The following APOBEC3D variants were observed in gnomAD, a reference collection of about 807,000 sequenced individuals.
APOBEC3D encodes the protein DNA dC->dU-editing enzyme APOBEC-3D.
APOBEC3D carries 37 observed loss-of-function variants against 45.6 expected under a neutral mutation model. That is an observed-to-expected ratio of 0.81 (90% confidence interval 0.62 to 1.07). The LOEUF is 1.07. APOBEC3D is among the 50% of genes least tolerant of loss of function. APOBEC3D has a pLI of 0.00. For synonymous variants in APOBEC3D, 175 were observed against 180.7 expected, an observed-to-expected ratio of 0.97 and a Z score of 0.25; for missense variants, 496 against 495.3, an observed-to-expected ratio of 1.00 and a Z score of -0.01.
At chr22:39,030,320 A>AT (rs569455819) in intron 5 of APOBEC3D, among the ~76,000 whole-genome samples, 72,621 of 141,374 alleles carry the variant, frequency 0.51, 17,266 homozygotes, top group East Asian at 0.72. Context: ...CAGGCAGGAG[A>AT]TTTTTTCAGA....
intron 1 of APOBEC3D, among the ~76,000 whole-genome samples, chr22:39,022,444 G>T (rs1382975429): frequency 1.3e-5 from 2 of 152,264 alleles, no homozygotes; most frequent in Admixed American, 6.5e-5. Flanking sequence ...ATGTTAACAC[G>T]CAGAGTGAAA....
intron 1 of APOBEC3D, among the ~76,000 whole-genome samples, chr22:39,022,580 A>G (rs181027742): frequency 8.5e-5 from 13 of 152,262 alleles, no homozygotes; most frequent in South Asian, 4.1e-4. Flanking sequence ...GGTGGGGAAT[A>G]TACCCCTGGA....
rs781770420 is a variant in APOBEC3D at position 39,029,474 on chromosome 22, G to C, written c.717G>C (p.Lys239Asn). Residue 239 changes from lysine to asparagine, a missense_variant, in exon 5 of 7, where the codon AAG (lysine) becomes AAC (asparagine). Transcript: ENST00000216099. ...TGTGCTTCACCATGGAAGTTACAAA[G>C]CACCACTCAGCTGTCTTCCGGAAGA... ...SWLCFTMEVT[K>N]HHSAVFRKRG... 2.2e-5 allele frequency: 35 copies of C among 1,614,014 alleles called. No individual in the cohort carries two copies.
Position 39,029,378 on chromosome 22 carries a change from A to C in APOBEC3D, c.621A>C (p.Ala207=), listed in dbSNP as rs746174647. Residue 207 remains alanine (A), a synonymous_variant, in exon 5 of 7, where the codon GCA becomes GCC. Transcript: ENST00000216099. ...GTGCCCTCAGAAACCCGATGGAGGC[A>C]ATGTACCCACACATATTCTACTTCC... ...LKEILRNPME[A]MYPHIFYFHF... is the part of the protein sequence containing the mutation. 3 of 1,614,146 alleles carry C rather than the reference A, an allele frequency of 1.9e-6. No individual in the cohort carries two copies. In the South Asian group the frequency reaches 3.3e-5, roughly 18 times the overall value.
chr22:39,023,091 C>T (rs902075882), intron 2 of APOBEC3D, 77 bp downstream of exon 2: 1 of 858,946 alleles, frequency 1.2e-6, no homozygotes, highest in African/African-American at 2.6e-5. Flanking sequence ...TTTTTCCCCA[C>T]ATTTATTTAT....
chr22:39,025,783 C>T (rs1925595244), intron 4 of APOBEC3D, 112 bp downstream of exon 4: 2 of 1,574,564 alleles, frequency 1.3e-6, no homozygotes, highest in Non-Finnish European at 1.7e-6. Context: ...CCTGCCTGCC[C>T]TCATGGTTAC....
rs139318472 is a variant in APOBEC3D, at chr22:39,026,527, C to A, written c.605+856C>A. ...AATGACCCAGGGGGCTTGGGTCAAGCTTGGGTGGGGTGTGCAGGGGTCCCC... is the reference window on the plus strand; with the variant it reads ...AATGACCCAGGGGGCTTGGGTCAAGATTGGGTGGGGTGTGCAGGGGTCCCC... On this transcript the variant is annotated intron_variant, in intron 4 of 6. Transcript: ENST00000216099. 9.1e-3 allele frequency among the ~76,000 whole-genome samples: 1,381 copies of A among 152,242 alleles called. 19 individuals carry two copies. Among genetic ancestry groups the A allele is most frequent in the African/African-American group, 0.032 (1,329 of 41,534 alleles).
At chr22:39,027,742 T>A (rs1320855415) in intron 4 of APOBEC3D, among the ~76,000 whole-genome samples, 3 of 152,056 alleles carry the variant, frequency 2.0e-5, no homozygotes, top group Non-Finnish European at 4.4e-5. Flanking sequence ...GCCCCAGCCC[T>A]GGGCTCCCTC....
At chr22:39,023,593 C>A (rs963726614) in intron 2 of APOBEC3D, among the ~76,000 whole-genome samples, 1 of 151,696 alleles carries the variant, frequency 6.6e-6, no homozygotes, top group Non-Finnish European at 1.5e-5. Context: ...ATTACAGGTG[C>A]ACGCCACCGT....
rs1481055016 is a variant in APOBEC3D, at chr22:39,032,123, C to T, written c.1043-75C>T. On this transcript the variant is annotated intron_variant, in intron 6 of 6. Transcript: ENST00000216099. Reference sequence around the variant, plus strand: ...TGCAACTGGCAGCCAGGAGACCTGGCTTGGGAGGGGAGGGCCCAGGGCCGG... The same window carrying T: ...TGCAACTGGCAGCCAGGAGACCTGGTTTGGGAGGGGAGGGCCCAGGGCCGG... The T allele has an allele frequency of 7.6e-6, 12 of 1,589,356 alleles. No individual in the cohort carries two copies. In the East Asian group the frequency reaches 2.7e-4, roughly 36 times the overall value.
At chr22:39,025,529 C>T (rs778917803) in intron 3 of APOBEC3D, 28 bp from the exon 4 acceptor site, 1 of 1,614,122 alleles carries the variant, frequency 6.2e-7, no homozygotes, top group Non-Finnish European at 8.5e-7. Flanking sequence ...AGGGGAGAGC[C>T]TGAGTGCTTC....
chr22:39,027,614 G>A (rs1925803856), intron 4 of APOBEC3D, among the ~76,000 whole-genome samples: 1 of 152,224 alleles, frequency 6.6e-6, no homozygotes, highest in Non-Finnish European at 1.5e-5. Flanking sequence ...GGACAAGCCT[G>A]CCAGGGAGGC....
chr22:39,029,330 C>G, intron 4 of APOBEC3D, 33 bp from the exon 5 acceptor site: 1 of 1,612,344 alleles, frequency 6.2e-7, no homozygotes, highest in Non-Finnish European at 8.5e-7. Context: ...TCCGAGGAAT[C>G]TCTGCACTGG....
chr22:39,023,777 G>A (rs1463503359), intron 2 of APOBEC3D, among the ~76,000 whole-genome samples: 2 of 151,942 alleles, frequency 1.3e-5, no homozygotes, highest in South Asian at 4.2e-4. Flanking sequence ...TAAGTCCGTG[G>A]CCCAGACCTT....
At position 39,025,180 on chromosome 22, in the gene APOBEC3D, C is replaced by A. The variant is rs1308974677; in HGVS notation, c.321C>A (p.Asn107Lys). Residue 107 changes from asparagine (N) to lysine (K), a missense_variant, in exon 3 of 7, where the codon AAC becomes AAA. Asn to Lys is a moderately conservative substitution (Grantham distance 94). Transcript: ENST00000216099. ...RFQITWFVSW[N>K]PCLPCVVKVT... The stretch of plus-strand genomic sequence containing the variant: ...AGATCACCTGGTTTGTATCATGGAA[C>A]CCCTGCCTGCCCTGTGTGGTGAAGG... The A allele has an allele frequency of 6.2e-7, 1 of 1,614,112 alleles. No individual in the cohort carries two copies. The highest frequency in any genetic ancestry group is 8.5e-7 in the Non-Finnish European group (1 of 1,179,992).
rs759937585 is a variant in APOBEC3D at position 39,022,998 on chromosome 22, C to T, written c.194C>T (p.Ser65Leu). 15 of 1,599,010 alleles carry T rather than the reference C, an allele frequency of 9.4e-6. No homozygotes were observed. Among genetic ancestry groups the T allele is most frequent in the African/African-American group, 4.0e-5 (3 of 74,130 alleles). ...FRGPVLPKRQSNHRQEVYFRF... is the reference protein window; with the variant it reads ...FRGPVLPKRQLNHRQEVYFRF... ...GGCCCGGTACTACCCAAACGTCAGT[C>T]GAATCACAGGCAGGAGGTAAGCAGC... Residue 65 changes from serine to leucine, a missense_variant, in exon 2 of 7, where the codon TCG becomes TTG. By Grantham distance (145) the Ser-to-Leu change is moderately radical (BLOSUM62 -2). Transcript: ENST00000216099.
chr22:39,030,818 G>C (rs1342670344), intron 5 of APOBEC3D, among the ~76,000 whole-genome samples: 1 of 152,228 alleles, frequency 6.6e-6, no homozygotes, highest in Non-Finnish European at 1.5e-5. Context: ...ATTCGCACTT[G>C]AGGGCATGAT....
chr22:39,022,740 G>A (rs1483922502), intron 1 of APOBEC3D, 82 bp from the exon 2 acceptor site: 25 of 1,502,444 alleles, frequency 1.7e-5, no homozygotes, highest in East Asian at 9.9e-5. Context: ...GGGCCGTCCC[G>A]GGAGCTGTGT....
intron 4 of APOBEC3D, among the ~76,000 whole-genome samples, chr22:39,027,018 T>C (rs62229076): frequency 3.5e-3 from 528 of 152,194 alleles, no homozygotes; most frequent in Admixed American, 5.9e-3. Flanking sequence ...CTTGAGATGC[T>C]AGGAGCTCTC....
Sources: gnomAD v4.1 joint callset for allele counts (sites outside exome capture counted in the v4.1 genomes callset) on GRCh38, gnomAD v4.1.1 for gene constraint, MANE v1.5 for transcripts, NCBI Gene and HGNC (gene_info 2026-07-23, HGNC 2026-07-21) for gene names.